Variants in PUDP observed in about 807,000 individuals in gnomAD.
PUDP encodes pseudouridine-5'-phosphatase.
A neutral mutation model predicts 9.4 loss-of-function variants in PUDP; 8 were observed. The observed-to-expected ratio is 0.85, with a 90% CI of 0.50 to 1.53. The LOEUF (loss-of-function observed/expected upper bound fraction) is 1.53, where lower values mean the gene tolerates loss of function less well. Ranked by LOEUF, PUDP falls within the 40% of genes most tolerant of loss-of-function variation. PUDP has a pLI of 0.00. For missense variants in PUDP, 188 were observed against 189.7 expected, an observed-to-expected ratio of 0.99 and a Z score of 0.05; for synonymous variants, 99 against 80.7, an observed-to-expected ratio of 1.23 and a Z score of -1.22.
At chrX:6,797,777 G>T in intron 3 of PUDP, among the ~76,000 whole-genome samples, 1 of 111,847 alleles carries the variant, frequency 8.9e-6, no homozygotes, top group Admixed American at 9.5e-5. Flanking sequence ...TGTGAGAAAA[G>T]AAATGTATGT....
chrX:6,963,525 G>A (rs1294953927), intron 3 of PUDP, among the ~76,000 whole-genome samples: 1 of 111,905 alleles, frequency 8.9e-6, no homozygotes, highest in Non-Finnish European at 1.9e-5. Flanking sequence ...ATTCATTGGA[G>A]AATTGCTTGG....
At chrX:6,929,328 C>G (rs1304560916) in intron 3 of PUDP, among the ~76,000 whole-genome samples, 1 of 112,411 alleles carries the variant, frequency 8.9e-6, no homozygotes, top group Non-Finnish European at 1.9e-5. Context: ...AGGTTTTATA[C>G]ATTTAGGGAA....
chrX:7,040,667 A>T (rs1465872376), intron 1 of PUDP, among the ~76,000 whole-genome samples: 1 of 111,990 alleles, frequency 8.9e-6, no homozygotes, highest in Non-Finnish European at 1.9e-5. Context: ...TTCTACTTTT[A>T]AGAATGGTAC....
At chrX:6,853,119 C>T (rs1019992719) in intron 3 of PUDP, among the ~76,000 whole-genome samples, 48 of 111,718 alleles carry the variant, frequency 4.3e-4, no homozygotes, top group African/African-American at 1.5e-3. Flanking sequence ...ATTGTAGGCA[C>T]GTCTGGGCAA....
At chrX:6,925,360 C>T (rs191117396) in intron 3 of PUDP, among the ~76,000 whole-genome samples, 5 of 111,932 alleles carry the variant, frequency 4.5e-5, no homozygotes, top group Non-Finnish European at 9.4e-5. Context: ...AGCAACAGGT[C>T]TCTCCCTGTG....
At chrX:6,712,157 T>TTG (rs924247185) in intron 1 of PUDP, among the ~76,000 whole-genome samples, 4 of 111,050 alleles carry the variant, frequency 3.6e-5, no homozygotes, top group Middle Eastern at 4.7e-3. Context: ...TTTATTTATT[T>TTG]TGTGTGTGTG....
chrX:7,120,473 C>T (rs1216460465), intron 1 of PUDP, among the ~76,000 whole-genome samples: 1 of 111,982 alleles, frequency 8.9e-6, no homozygotes, highest in Non-Finnish European at 1.9e-5. Flanking sequence ...ATTTTACCAA[C>T]TGAGACCAAT....
intron 3 of PUDP, among the ~76,000 whole-genome samples, chrX:6,862,311 A>G (rs1281808362): frequency 8.9e-6 from 1 of 111,988 alleles, no homozygotes; most frequent in Non-Finnish European, 1.9e-5. Flanking sequence ...AATATGTCTC[A>G]TACCAAGAAA....
At chrX:6,858,743 C>A (rs1449026191) in intron 3 of PUDP, among the ~76,000 whole-genome samples, 1 of 112,030 alleles carries the variant, frequency 8.9e-6, no homozygotes, top group Non-Finnish European at 1.9e-5. Flanking sequence ...TAAGTTGGTA[C>A]AAAGTGCAGG....
intron 1 of PUDP, among the ~76,000 whole-genome samples, chrX:6,708,506 A>G (rs1924495296): frequency 8.9e-6 from 1 of 112,170 alleles, no homozygotes; most frequent in Admixed American, 9.5e-5. Context: ...AATGTACTGC[A>G]TACAAAATTA....
At chrX:6,935,915 T>A (rs1212526696) in intron 3 of PUDP, among the ~76,000 whole-genome samples, 1 of 89,113 alleles carries the variant, frequency 1.1e-5, no homozygotes, top group African/African-American at 4.1e-5. Context: ...ACACATACAC[T>A]CTCCCAAGAC....
At chrX:6,876,270 C>T (rs751697414) in intron 3 of PUDP, among the ~76,000 whole-genome samples, 61 of 111,393 alleles carry the variant, frequency 5.5e-4, no homozygotes, top group African/African-American at 1.9e-3. Flanking sequence ...TGTGAGTGTT[C>T]TGAACAAGTT....
intron 3 of PUDP, among the ~76,000 whole-genome samples, chrX:6,935,159 C>A (rs1439298817): frequency 9.5e-6 from 1 of 105,770 alleles, no homozygotes; most frequent in Non-Finnish European, 1.9e-5. Context: ...GAACTCTCCA[C>A]CCCAAATCAA....
At chrX:7,107,422 G>A (rs779861834) in intron 1 of PUDP, among the ~76,000 whole-genome samples, 2 of 112,798 alleles carry the variant, frequency 1.8e-5, no homozygotes, top group Non-Finnish European at 3.7e-5. Context: ...AGGCATGTAA[G>A]TCTTCATACT....
chrX:6,746,094 G>C (rs1032755746), intron 3 of PUDP, among the ~76,000 whole-genome samples: 1 of 112,301 alleles, frequency 8.9e-6, no homozygotes, highest in African/African-American at 3.2e-5. Flanking sequence ...TCAACAAGAA[G>C]TGCTCTATCT....
intron 2 of PUDP, among the ~76,000 whole-genome samples, chrX:7,089,707 A>C (rs1455128473): frequency 1.8e-5 from 2 of 111,868 alleles, no homozygotes; most frequent in African/African-American, 6.5e-5. Context: ...GTTTGACTGG[A>C]GTGCAGCACC....
intron 3 of PUDP, among the ~76,000 whole-genome samples, chrX:6,809,973 G>A (rs958674370): frequency 1.8e-5 from 2 of 110,695 alleles, no homozygotes; most frequent in African/African-American, 6.6e-5. Context: ...CCAGCTACTT[G>A]GGATGCTAAG....
chrX:7,067,863 C>T (rs1930612326), intron 3 of PUDP, among the ~76,000 whole-genome samples: 1 of 111,352 alleles, frequency 9.0e-6, no homozygotes, highest in Non-Finnish European at 1.9e-5. Flanking sequence ...AGGTCTTTCT[C>T]ATGCTGTTCT....
At chrX:6,891,276 T>TAG (rs1458225295) in intron 3 of PUDP, among the ~76,000 whole-genome samples, 15 of 112,224 alleles carry the variant, frequency 1.3e-4, no homozygotes, top group Non-Finnish European at 5.6e-5. Flanking sequence ...GGATGACATA[T>TAG]AGAGTATCAC....
Sources: gnomAD v4.1 joint callset for allele counts (sites outside exome capture counted in the v4.1 genomes callset) on GRCh38, gnomAD v4.1.1 for gene constraint, MANE v1.5 for transcripts, NCBI Gene and HGNC (gene_info 2026-07-23, HGNC 2026-07-21) for gene names.